The following ZNF385D variants were observed in gnomAD, a reference collection of about 807,000 sequenced individuals.
ZNF385D encodes the protein zinc finger protein 385D, also known as zinc finger protein 659.
A neutral mutation model predicts 35.8 loss-of-function variants in ZNF385D; 15 were observed. That is an observed-to-expected ratio of 0.42 (90% CI 0.28 to 0.64). The LOEUF (loss-of-function observed/expected upper bound fraction) is 0.64. Ranked by LOEUF, ZNF385D falls within the 30% of genes least tolerant of loss-of-function variation. The pLI, the probability that ZNF385D is intolerant of heterozygous loss-of-function variation, is 0.23. For missense variants in ZNF385D, 474 were observed against 494.6 expected, an observed-to-expected ratio of 0.96 and a Z score of 0.39; for synonymous variants, 212 against 186.8, an observed-to-expected ratio of 1.13 and a Z score of -1.10.
chr3:21,924,764 G>A (rs1165820298), intron 3 of ZNF385D, among the ~76,000 whole-genome samples: 1 of 152,064 alleles, frequency 6.6e-6, no homozygotes, highest in Non-Finnish European at 1.5e-5. Context: ...AAGGTATTCT[G>A]TAGAGAGGCA....
At chr3:21,760,352 C>G (rs1318813267) in intron 3 of ZNF385D, among the ~76,000 whole-genome samples, 2 of 152,154 alleles carry the variant, frequency 1.3e-5, no homozygotes, top group Admixed American at 6.5e-5. Flanking sequence ...TTCCATGATG[C>G]TTTTCATTAG....
chr3:21,812,042 T>C (rs2072942576), intron 3 of ZNF385D, among the ~76,000 whole-genome samples: 1 of 152,146 alleles, frequency 6.6e-6, no homozygotes, highest in African/African-American at 2.4e-5. Context: ...TCTCTAAATA[T>C]AAATATCAGT....
intron 4 of ZNF385D, among the ~76,000 whole-genome samples, chr3:21,481,542 C>T (rs990988255): frequency 6.6e-6 from 1 of 151,910 alleles, no homozygotes; most frequent in Admixed American, 6.6e-5. Context: ...TTGTTTTTTT[C>T]CTTCACAGAC....
At chr3:21,952,633 A>G (rs1008058071) in intron 3 of ZNF385D, among the ~76,000 whole-genome samples, 2 of 151,982 alleles carry the variant, frequency 1.3e-5, no homozygotes, top group African/African-American at 4.8e-5. Context: ...TGTGATAATT[A>G]AATACTTCAA....
chr3:22,350,682 CTTTTT>C (rs202040547), intron 2 of ZNF385D, among the ~76,000 whole-genome samples: 11 of 151,786 alleles, frequency 7.2e-5, no homozygotes, highest in Non-Finnish European at 1.5e-4. Context: ...TAATGTATTT[CTTTTT>C]TTTGTTGTTT....
intron 1 of ZNF385D, among the ~76,000 whole-genome samples, chr3:21,684,198 C>A (rs1378324237): frequency 6.7e-6 from 1 of 149,020 alleles, no homozygotes; most frequent in African/African-American, 2.5e-5. Flanking sequence ...ACTCCTGGCC[C>A]CTTTAGTTTA....
At chr3:21,476,220 T>A (rs1035092571) in intron 4 of ZNF385D, among the ~76,000 whole-genome samples, 38 of 152,132 alleles carry the variant, frequency 2.5e-4, no homozygotes, top group African/African-American at 8.9e-4. Flanking sequence ...TTAAATCCAC[T>A]TTATTGGTGA....
At chr3:22,020,494 A>G (rs1157096215) in intron 3 of ZNF385D, among the ~76,000 whole-genome samples, 14 of 152,044 alleles carry the variant, frequency 9.2e-5, no homozygotes, top group Non-Finnish European at 2.1e-4. Flanking sequence ...TTTCAAAAGA[A>G]GACATAAAAA....
chr3:22,145,843 T>C (rs9838045), intron 3 of ZNF385D, among the ~76,000 whole-genome samples: 2,220 of 152,300 alleles, frequency 0.015, 55 homozygotes, highest in African/African-American at 0.051. Flanking sequence ...CTGATCACTC[T>C]GGCCACTAAT....
chr3:22,295,807 C>A (rs986483174), intron 2 of ZNF385D, among the ~76,000 whole-genome samples: 1 of 152,066 alleles, frequency 6.6e-6, no homozygotes, highest in Non-Finnish European at 1.5e-5. Context: ...TAAACTATAA[C>A]CTTTGAAAGA....
chr3:22,001,855 C>G (rs978095737), intron 3 of ZNF385D, among the ~76,000 whole-genome samples: 1 of 151,298 alleles, frequency 6.6e-6, no homozygotes, highest in Non-Finnish European at 1.5e-5. Flanking sequence ...ACTACTGTAT[C>G]AAAAAAGAAA....
At chr3:21,908,071 CAA>C (rs1490009600) in intron 3 of ZNF385D, among the ~76,000 whole-genome samples, 3 of 151,744 alleles carry the variant, frequency 2.0e-5, no homozygotes, top group Non-Finnish European at 4.4e-5. Flanking sequence ...AGTAACTAGG[CAA>C]AAAAGTTATT....
chr3:21,460,526 A>G (rs1011916789), intron 4 of ZNF385D, among the ~76,000 whole-genome samples: 6 of 152,278 alleles, frequency 3.9e-5, no homozygotes, highest in South Asian at 2.1e-4. Context: ...AATTTTAAAA[A>G]ATTATTATAT....
chr3:22,090,343 A>T (rs1052797230), intron 3 of ZNF385D, among the ~76,000 whole-genome samples: 1 of 152,168 alleles, frequency 6.6e-6, no homozygotes, highest in African/African-American at 2.4e-5. Context: ...ATCACAATTA[A>T]TTAATCAAAC....
rs557547967 is a variant in ZNF385D at position 21,529,070 on chromosome 3, G to T, written c.277-18047C>A. ...CAAAATCACTTTTTCCATTTTTTTT[G>T]TGTGTGTGTGGATAAACCCAAATCA... is the stretch of plus-strand genomic sequence containing the variant. On this transcript the variant is annotated intron_variant, in intron 3 of 7. Coordinates refer to ENST00000281523, the MANE Select transcript of ZNF385D (RefSeq NM_024697.3). 4.8e-3 allele frequency among the ~76,000 whole-genome samples: 736 copies of T among 152,104 alleles called. 6 individuals carry two copies. Among genetic ancestry groups the T allele is most frequent in the Middle Eastern group, 0.017 (5 of 294 alleles).
chr3:21,856,324 C>A (rs1421637362), intron 3 of ZNF385D, among the ~76,000 whole-genome samples: 1 of 152,018 alleles, frequency 6.6e-6, no homozygotes, highest in Non-Finnish European at 1.5e-5. Context: ...TGCTTGCATT[C>A]ACTCTCTCTG....
intron 2 of ZNF385D, among the ~76,000 whole-genome samples, chr3:22,365,129 A>G (rs1357857252): frequency 6.6e-6 from 1 of 152,040 alleles, no homozygotes; most frequent in African/African-American, 2.4e-5. Flanking sequence ...ATGGATATAG[A>G]GTTTCAGTTT....
intron 3 of ZNF385D, among the ~76,000 whole-genome samples, chr3:22,009,361 C>A (rs535702921): frequency 3.2e-4 from 48 of 152,112 alleles, no homozygotes; most frequent in Admixed American, 1.1e-3. Flanking sequence ...AGGTGGCTCA[C>A]TCCTGCAATC....
intron 3 of ZNF385D, among the ~76,000 whole-genome samples, chr3:21,908,517 CTG>C (rs1369019192): frequency 2.6e-5 from 4 of 152,048 alleles, no homozygotes; most frequent in African/African-American, 9.7e-5. Context: ...ATTGGAAACA[CTG>C]TAACAGGCTG....
Sources: allele counts gnomAD v4.1 joint callset (sites outside exome capture counted in the v4.1 genomes callset), GRCh38; gene constraint gnomAD v4.1.1; transcripts MANE v1.5; gene names NCBI Gene and HGNC (gene_info 2026-07-23, HGNC 2026-07-21).